RBM18: variants seen among roughly 807,000 people sequenced by gnomAD.
RBM18 encodes the protein probable RNA-binding protein 18.
Under a neutral mutation model 26.4 loss-of-function variants are expected in RBM18, and 18 were observed. The observed-to-expected ratio is 0.68, with a 90% CI of 0.47 to 1.01. RBM18 has a LOEUF of 1.01. Ranked by LOEUF, RBM18 falls within the 50% of genes least tolerant of loss-of-function variation. The pLI is 0.00. For missense variants in RBM18, 180 were observed against 219.2 expected (o/e 0.82, Z 1.13); for synonymous variants, 74 against 81.1 (o/e 0.91, Z 0.47).
At chr9:122,253,758 G>A (rs1831642767) in intron 2 of RBM18, among the ~76,000 whole-genome samples, 1 of 151,552 alleles carries the variant, frequency 6.6e-6, no homozygotes, top group Non-Finnish European at 1.5e-5. Flanking sequence ...AGGCGCAGTG[G>A]CTCACGCCTG....
chr9:122,243,240 G>A (rs575895663), intron 5 of RBM18, among the ~76,000 whole-genome samples: 1 of 152,256 alleles, frequency 6.6e-6, no homozygotes, highest in East Asian at 1.9e-4. Context: ...CCTAAATGCT[G>A]GGATTACAGG....
At chr9:122,255,288 C>T (rs548780104) in intron 2 of RBM18, among the ~76,000 whole-genome samples, 275 of 152,064 alleles carry the variant, frequency 1.8e-3, no homozygotes, top group South Asian at 3.3e-3. Context: ...TCATGTAAAC[C>T]AAGACATAAA....
rs571218113 is a variant in RBM18, at chr9:122,264,397, C to T, written c.-17+318G>A. 1.4e-4 allele frequency among the ~76,000 whole-genome samples: 22 copies of T among 152,316 alleles called. No homozygotes were observed. The East Asian group carries it at 4.2e-3, about 29-fold the overall frequency. Reference sequence around the variant, plus strand: ...TTAGACTACCAGAGTTCACAAAACGCGGTTACATTTGTCTTTCCAGCTGAG... The same window carrying T: ...TTAGACTACCAGAGTTCACAAAACGTGGTTACATTTGTCTTTCCAGCTGAG... On this transcript the variant is annotated intron_variant, in intron 1 of 5. Transcript: ENST00000417201.
rs1474998379 is a variant in RBM18 at position 122,241,136 on chromosome 9, G to T, written c.*748C>A. On this transcript the variant is annotated 3_prime_UTR_variant, in exon 6 of 6. Coordinates refer to ENST00000417201, the MANE Select transcript of RBM18 (RefSeq NM_033117.4). Reference sequence around the variant, plus strand: ...ATAGCAACATTTGTTATTATAGAAGGCATGGTTATTTAGATTTGAAAAAAA... The same window carrying T: ...ATAGCAACATTTGTTATTATAGAAGTCATGGTTATTTAGATTTGAAAAAAA... The T allele has an allele frequency of 1.3e-5, 2 of 152,084 alleles. No homozygotes were observed. Among genetic ancestry groups the T allele is most frequent in the Non-Finnish European group, 2.9e-5 (2 of 68,014 alleles). The allele number at this position is 152,084 out of a possible 1,614,324, so 9.4% of individuals were successfully genotyped here.
At chr9:122,263,719 G>A (rs1483011723) in intron 1 of RBM18, among the ~76,000 whole-genome samples, 2 of 152,140 alleles carry the variant, frequency 1.3e-5, no homozygotes, top group Non-Finnish European at 2.9e-5. Flanking sequence ...GATGACATTT[G>A]GGACTTGAAT....
chr9:122,258,426 G>A (rs1020518181), intron 2 of RBM18, among the ~76,000 whole-genome samples: 12 of 151,886 alleles, frequency 7.9e-5, no homozygotes, highest in African/African-American at 2.7e-4. Flanking sequence ...CCGCCACCAC[G>A]CCTGGATAAT....
intron 2 of RBM18, among the ~76,000 whole-genome samples, chr9:122,259,735 C>T (rs1831755591): frequency 6.6e-6 from 1 of 152,126 alleles, no homozygotes; most frequent in African/African-American, 2.4e-5. Context: ...CACCTTTCGC[C>T]CAGGCTGGAG....
rs1429704012 is a variant in RBM18 at position 122,241,915 on chromosome 9, T to C, written c.542A>G (p.Tyr181Cys). ...KPPDKKRTTPYSRTAWKSRR is the reference protein window; with the variant it reads ...KPPDKKRTTPCSRTAWKSRR ...TCGAGATTTCCATGCTGTTCTAGAA[T>C]ATGGAGTAGTCCTTTTTTTATCTGG... is the stretch of plus-strand genomic sequence containing the variant. Residue 181 changes from tyrosine to cysteine, a missense_variant, in exon 6 of 6, where the codon TAT (tyrosine) becomes TGT (cysteine). This residue lies in a region of RBM18 where 103 missense variants were observed against 102.8 expected (regional missense o/e 1.00). Coordinates refer to ENST00000417201, the MANE Select transcript of RBM18 (RefSeq NM_033117.4). 1.2e-6 allele frequency: 2 copies of C among 1,614,162 alleles called. No homozygotes were observed. The highest frequency in any genetic ancestry group is 1.7e-6 in the Non-Finnish European group (2 of 1,180,006).
At chr9:122,250,902 AATT>A (rs35650318) in intron 3 of RBM18, among the ~76,000 whole-genome samples, 99 of 148,734 alleles carry the variant, frequency 6.7e-4, no homozygotes, top group South Asian at 2.1e-3. Flanking sequence ...CACTCATACA[AATT>A]ATTATTATTA....
intron 1 of RBM18, among the ~76,000 whole-genome samples, chr9:122,262,675 C>T (rs1195999796): frequency 1.3e-5 from 2 of 152,132 alleles, no homozygotes; most frequent in Non-Finnish European, 2.9e-5. Context: ...CTTCCACTTC[C>T]CGGGTTCAAG....
intron 3 of RBM18, among the ~76,000 whole-genome samples, chr9:122,249,978 G>A (rs1831572048): frequency 6.7e-6 from 1 of 148,614 alleles, no homozygotes; most frequent in African/African-American, 2.5e-5. Context: ...GGCTGAGGTG[G>A]GAGGATCACT....
intron 3 of RBM18, among the ~76,000 whole-genome samples, chr9:122,250,073 A>AAAAAAAAAAAG (rs1831575167): frequency 6.6e-6 from 1 of 151,514 alleles, no homozygotes; most frequent in African/African-American, 2.4e-5. Flanking sequence ...TTATTTAAAA[A>AAAAAAAAAAAG]AAAAAAAGAA....
intron 2 of RBM18, chr9:122,254,394 C>A (rs1388012082): frequency 1.5e-6 from 1 of 677,898 alleles, no homozygotes; most frequent in Admixed American, 6.3e-5. Context: ...GAAATGTTTA[C>A]TATTTTGCTT....
chr9:122,242,831 T>C (rs1831443828), intron 5 of RBM18, among the ~76,000 whole-genome samples: 1 of 151,838 alleles, frequency 6.6e-6, no homozygotes, highest in Non-Finnish European at 1.5e-5. Flanking sequence ...CTGAATTTGT[T>C]TTTGTTTTTG....
At position 122,241,836 on chromosome 9, in the gene RBM18, T is replaced by G. The variant is rs768556746; in HGVS notation, c.*48A>C. The G allele has an allele frequency of 1.9e-6, 3 of 1,567,020 alleles. No individual in the cohort carries two copies. Among genetic ancestry groups the G allele is most frequent in the Non-Finnish European group, 2.6e-6 (3 of 1,142,508 alleles). ...TACAAAGTACACAGGCAGACGATTTTAGGTGTGGAGACCAATTTGCTTTTG... is the reference window on the plus strand; with the variant it reads ...TACAAAGTACACAGGCAGACGATTTGAGGTGTGGAGACCAATTTGCTTTTG... On this transcript the variant is annotated 3_prime_UTR_variant, in exon 6 of 6. Coordinates refer to ENST00000417201, the MANE Select transcript of RBM18 (RefSeq NM_033117.4).
In RBM18 at chr9:122,251,827, T is replaced by C; in HGVS notation, c.240+20A>G. 6.2e-7 allele frequency: 1 copy of C among 1,608,900 alleles called. No homozygotes were observed. ...ACAGAGCTTGATAAATATTATAAAA[T>C]GGGGAGAAAGCTTAATTACCTGCTT... On this transcript the variant is annotated intron_variant, in intron 3 of 5. Coordinates refer to ENST00000417201, the MANE Select transcript of RBM18 (RefSeq NM_033117.4).
Position 122,241,987 on chromosome 9 carries a change from G to A in RBM18, c.470C>T (p.Pro157Leu), listed in dbSNP as rs1438930009. Residue 157 changes from proline to leucine, a missense_variant, in exon 6 of 6, where the codon CCT (proline) becomes CTT (leucine). Pro to Leu is a moderately conservative substitution (Grantham distance 98). Coordinates refer to ENST00000417201, the MANE Select transcript of RBM18 (RefSeq NM_033117.4). Reference protein sequence around the residue: ...EAKLKMMAENPDAEYPAAPVY... With the variant: ...EAKLKMMAENLDAEYPAAPVY... ...AGGCGCTGCTGGATACTCTGCATCAGGATTTTCCGCCATCATTTTCAGTTT... is the reference window on the plus strand; with the variant it reads ...AGGCGCTGCTGGATACTCTGCATCAAGATTTTCCGCCATCATTTTCAGTTT... 1 of 1,614,040 alleles carries A rather than the reference G, an allele frequency of 6.2e-7. No homozygotes were observed. The highest frequency in any genetic ancestry group is 1.1e-5 in the South Asian group (1 of 91,070).
Position 122,247,450 on chromosome 9 carries a change from T to A in RBM18, c.327+68A>T, listed in dbSNP as rs1264232646. 4 of 1,349,020 alleles carry A rather than the reference T, an allele frequency of 3.0e-6. No individual in the cohort carries two copies. In the East Asian group the frequency reaches 9.2e-5, roughly 31 times the overall value. The allele number at this position is 1,349,020 out of a possible 1,614,324, so 83.6% of individuals were successfully genotyped here. ...AGAGATTGGGACATAAACGGGTAAG[T>A]GGACAACCATCTTTCAGAAGGCTTG... On this transcript the variant is annotated intron_variant, in intron 4 of 5. Transcript: ENST00000417201.
At chr9:122,256,586 T>C (rs185593005) in intron 2 of RBM18, among the ~76,000 whole-genome samples, 2 of 152,342 alleles carry the variant, frequency 1.3e-5, no homozygotes, top group Non-Finnish European at 2.9e-5. Flanking sequence ...ATGCTTACAG[T>C]TAGATTGGGT....
Sources: allele counts gnomAD v4.1 joint callset (sites outside exome capture counted in the v4.1 genomes callset), GRCh38; gene constraint gnomAD v4.1.1; regional missense constraint gnomAD v4.1.1; transcripts MANE v1.5; gene names NCBI Gene and HGNC (gene_info 2026-07-23, HGNC 2026-07-21).